RBM46: variants seen among roughly 807,000 people sequenced by gnomAD.
The protein encoded by RBM46 is RNA binding motif protein 46, also known as probable RNA-binding protein 46.
Under a neutral mutation model 43.3 loss-of-function variants are expected in RBM46, and 12 were observed. That is an observed-to-expected ratio of 0.28 (90% CI 0.18 to 0.45). The LOEUF (loss-of-function observed/expected upper bound fraction) is 0.45. Among genes scored for constraint, RBM46 ranks in the 20% least tolerant of loss-of-function variants. The pLI is 1.00. For synonymous variants in RBM46, 205 were observed against 207.6 expected, an observed-to-expected ratio of 0.99 and a Z score of 0.11; for missense variants, 412 against 639.1, an observed-to-expected ratio of 0.64 and a Z score of 3.83.
chr4:154,827,808 T>C, intron 4 of RBM46, 60 bp from the exon 5 acceptor site: 5 of 1,604,366 alleles, frequency 3.1e-6, no homozygotes, highest in Admixed American at 1.7e-5. Flanking sequence ...CTTTGTCTCT[T>C]TAAATTAAAT....
intron 4 of RBM46, among the ~76,000 whole-genome samples, chr4:154,802,549 T>A (rs1321755274): frequency 2.0e-5 from 3 of 152,098 alleles, no homozygotes; most frequent in Non-Finnish European, 2.9e-5. Context: ...TAGCTCAGAG[T>A]TGAGATCAAT....
At chr4:154,803,224 A>C (rs534450664) in intron 4 of RBM46, among the ~76,000 whole-genome samples, 4 of 152,172 alleles carry the variant, frequency 2.6e-5, no homozygotes, top group African/African-American at 9.6e-5. Flanking sequence ...TCCTATCTAA[A>C]GGAAGCTCTA....
At chr4:154,827,615 A>T in intron 4 of RBM46, 1 of 1,243,226 alleles carries the variant, frequency 8.0e-7, no homozygotes, top group Non-Finnish European at 1.0e-6. Flanking sequence ...GAAATAGTAG[A>T]TATCCAAGAA....
chr4:154,791,850 G>T (rs1295057743), intron 1 of RBM46, among the ~76,000 whole-genome samples: 1 of 151,942 alleles, frequency 6.6e-6, no homozygotes, highest in Non-Finnish European at 1.5e-5. Context: ...TTTTATTAAG[G>T]GTTTTCCAAA....
At chr4:154,818,048 T>C (rs1394890435) in intron 4 of RBM46, among the ~76,000 whole-genome samples, 2 of 152,238 alleles carry the variant, frequency 1.3e-5, no homozygotes, top group African/African-American at 4.8e-5. Flanking sequence ...TGTAGTGTCA[T>C]TGGTACTTAT....
intron 2 of RBM46, among the ~76,000 whole-genome samples, chr4:154,797,237 T>C (rs1277334100): frequency 1.3e-5 from 2 of 152,172 alleles, no homozygotes; most frequent in Non-Finnish European, 2.9e-5. Flanking sequence ...AGTGAGTAAG[T>C]GAGTGGTGTT....
chr4:154,809,530 T>C (rs1735077959), intron 4 of RBM46, among the ~76,000 whole-genome samples: 1 of 152,256 alleles, frequency 6.6e-6, no homozygotes, highest in African/African-American at 2.4e-5. Context: ...AATCTGAATA[T>C]AGTTAGCTTA....
At chr4:154,785,076 C>T (rs148600340) in intron 1 of RBM46, among the ~76,000 whole-genome samples, 12 of 151,922 alleles carry the variant, frequency 7.9e-5, no homozygotes, top group African/African-American at 2.9e-4. Context: ...GTTTTGGAGG[C>T]TTTGAGATAA....
At chr4:154,811,806 G>A (rs1444385957) in intron 4 of RBM46, among the ~76,000 whole-genome samples, 3 of 151,652 alleles carry the variant, frequency 2.0e-5, no homozygotes, top group Non-Finnish European at 2.9e-5. Flanking sequence ...TCAGCCTCCC[G>A]AGTAGCTGGG....
Position 154,827,942 on chromosome 4 carries a change from G to C in RBM46, c.1477G>C (p.Val493Leu). Residue 493 changes from valine to leucine, a missense_variant, in exon 5 of 5, where the codon GTG becomes CTG. This residue lies in a region of RBM46 where 149 missense variants were observed against 156.3 expected (regional missense o/e 0.95). Coordinates refer to ENST00000281722, the MANE Select transcript of RBM46 (RefSeq NM_144979.5). ...SATLSSGTPS[V>L]LPYTSRPYSY... ...TACCCTCTCTTCTGGGACTCCCAGC[G>C]TGCTTCCTTATACTTCAAGGCCTTA... 6.2e-7 allele frequency: 1 copy of C among 1,613,720 alleles called. No individual in the cohort carries two copies. Among genetic ancestry groups the C allele is most frequent in the East Asian group, 2.2e-5 (1 of 44,860 alleles).
At chr4:154,819,742 C>A (rs75523730) in intron 4 of RBM46, among the ~76,000 whole-genome samples, 3,495 of 152,036 alleles carry the variant, frequency 0.023, 131 homozygotes, top group African/African-American at 0.08. Context: ...AATTTCTTAG[C>A]ATAGATTTGG....
intron 4 of RBM46, among the ~76,000 whole-genome samples, chr4:154,809,472 T>A (rs1177962657): frequency 1.3e-5 from 2 of 152,112 alleles, no homozygotes; most frequent in African/African-American, 2.4e-5. Context: ...ACTTGTATAA[T>A]CAACTCCCAA....
intron 1 of RBM46, among the ~76,000 whole-genome samples, chr4:154,784,082 G>GT (rs892814009): frequency 2.0e-5 from 3 of 152,184 alleles, no homozygotes; most frequent in Non-Finnish European, 4.4e-5. Context: ...CAAATCAGGA[G>GT]TTTAGTACCA....
chr4:154,811,036 C>T (rs1735147484), intron 4 of RBM46, among the ~76,000 whole-genome samples: 1 of 152,132 alleles, frequency 6.6e-6, no homozygotes, highest in African/African-American at 2.4e-5. Context: ...ATGAGGATCA[C>T]TGTAGTGAAT....
intron 4 of RBM46, among the ~76,000 whole-genome samples, chr4:154,800,517 T>C (rs1014232663): frequency 4.6e-5 from 7 of 152,204 alleles, no homozygotes; most frequent in East Asian, 1.9e-4. Context: ...TAGAAAGATA[T>C]GCTAACTAAA....
chr4:154,803,620 G>C (rs1488590534), intron 4 of RBM46, among the ~76,000 whole-genome samples: 1 of 146,140 alleles, frequency 6.8e-6, no homozygotes, highest in Non-Finnish European at 1.5e-5. Flanking sequence ...GGAGAATGGC[G>C]TGAACCCGGG....
chr4:154,795,689 A>G (rs1179329595), intron 1 of RBM46, among the ~76,000 whole-genome samples: 1 of 152,144 alleles, frequency 6.6e-6, no homozygotes, highest in East Asian at 1.9e-4. Context: ...TTGATTTGAA[A>G]TAGAAGTTTA....
At chr4:154,790,490 G>A (rs1734030259) in intron 1 of RBM46, 1 of 151,910 alleles carries the variant, frequency 6.6e-6, no homozygotes, top group African/African-American at 2.4e-5. Context: ...TCCCCTCGGG[G>A]GAATAAATTT....
intron 1 of RBM46, among the ~76,000 whole-genome samples, chr4:154,783,439 A>T (rs1178843198): frequency 1.3e-5 from 2 of 152,232 alleles, no homozygotes; most frequent in Non-Finnish European, 2.9e-5. Flanking sequence ...TGTGACTACA[A>T]ATCAAGTAAT....
Sources: allele counts gnomAD v4.1 joint callset (sites outside exome capture counted in the v4.1 genomes callset), GRCh38; gene constraint gnomAD v4.1.1; regional missense constraint gnomAD v4.1.1; transcripts MANE v1.5; gene names NCBI Gene and HGNC (gene_info 2026-07-23, HGNC 2026-07-21).